Variants in ECPAS observed in about 807,000 individuals in gnomAD.
ECPAS encodes the protein Ecm29 proteasome adaptor and scaffold, also known as proteasome adapter and scaffold protein ECM29.
A neutral mutation model predicts 255.1 loss-of-function variants in ECPAS; 70 were observed. The ratio of observed to expected loss-of-function variants is 0.27; its 90% confidence interval spans 0.23 to 0.33. The LOEUF (loss-of-function observed/expected upper bound fraction) is 0.33. ECPAS is among the 10% of genes least tolerant of loss of function. ECPAS has a pLI of 1.00. For missense variants in ECPAS, 1,817 were observed against 2,206.4 expected (o/e 0.82, Z 3.54); for synonymous variants, 784 against 775.0 (o/e 1.01, Z -0.19).
At chr9:111,454,566 T>C (rs1045566634) in intron 2 of ECPAS, among the ~76,000 whole-genome samples, 4 of 152,218 alleles carry the variant, frequency 2.6e-5, no homozygotes, top group African/African-American at 4.8e-5. Flanking sequence ...TAAAGCCTTC[T>C]ACCTTTGAGG....
intron 45 of ECPAS, among the ~76,000 whole-genome samples, chr9:111,369,462 TA>T (rs1158482242): frequency 4.6e-5 from 7 of 152,202 alleles, no homozygotes; most frequent in African/African-American, 1.4e-4. Flanking sequence ...AATCAGATTT[TA>T]AAGATGGAAG....
In ECPAS at chr9:111,442,485, A is replaced by C. The variant is rs2098247223; in HGVS notation, c.271-61T>G. On this transcript the variant is annotated intron_variant, in intron 4 of 49. Coordinates refer to ENST00000684092, the MANE Select transcript of ECPAS (RefSeq NM_001364929.1). ...GAAATACTCTATGATTTCAATGAAA[A>C]TATATGATTGATAACTTAGAGAGTT... 1.0e-5 allele frequency: 10 copies of C among 993,584 alleles called. No homozygotes were observed. The South Asian group carries it at 1.4e-4, about 14-fold the overall frequency. The allele number at this position is 993,584 out of a possible 1,614,324, so 61.5% of individuals were successfully genotyped here. A position where few individuals can be genotyped will look rare whatever the true frequency, so the allele number is the denominator to read the frequency against.
At chr9:111,455,927 T>A (rs1330251811) in intron 2 of ECPAS, among the ~76,000 whole-genome samples, 1 of 152,202 alleles carries the variant, frequency 6.6e-6, no homozygotes, top group South Asian at 2.1e-4. Context: ...AGTACAAATA[T>A]ATGCTGAATC....
At chr9:111,478,181 T>C (rs544785945) in intron 1 of ECPAS, among the ~76,000 whole-genome samples, 1 of 151,058 alleles carries the variant, frequency 6.6e-6, no homozygotes, top group East Asian at 2.0e-4. Context: ...GATTACAAAC[T>C]TGAGTCACCG....
intron 35 of ECPAS, among the ~76,000 whole-genome samples, chr9:111,380,400 T>TA (rs1341213833): frequency 3.3e-5 from 5 of 152,208 alleles, no homozygotes; most frequent in Non-Finnish European, 7.4e-5. Flanking sequence ...ACAGTGGACT[T>TA]AAAATACTCA....
At position 111,425,742 on chromosome 9, in the gene ECPAS, C is replaced by T; in HGVS notation, c.1136+1G>A. ...TATAGTTAAAATAGTTAAAGACTTA[C>T]GTTATACAAATATGATGCACAAATT... On this transcript the variant is annotated splice_donor_variant, in intron 11 of 49. Transcript: ENST00000684092. LOFTEE classifies it high-confidence loss of function. The T allele has an allele frequency of 6.6e-7, 1 of 1,523,862 alleles. No individual in the cohort carries two copies. Among genetic ancestry groups the T allele is most frequent in the Non-Finnish European group, 9.1e-7 (1 of 1,103,366 alleles). 94.4% of individuals were successfully genotyped at this position (1,523,862 alleles called of 1,614,324 possible).
chr9:111,418,840 C>T (rs988966858), intron 16 of ECPAS, among the ~76,000 whole-genome samples: 6 of 152,174 alleles, frequency 3.9e-5, no homozygotes, highest in Non-Finnish European at 7.3e-5. Context: ...GGCCCCAGTA[C>T]ATCTGGCCTT....
chr9:111,436,625 A>G (rs1392787326), intron 7 of ECPAS, among the ~76,000 whole-genome samples: 5 of 152,198 alleles, frequency 3.3e-5, no homozygotes, highest in Admixed American at 2.0e-4. Context: ...TAAAAAATTA[A>G]AATTACAAAA....
intron 29 of ECPAS, 55 bp downstream of exon 29, chr9:111,391,701 A>G (rs2098160459): frequency 1.1e-5 from 12 of 1,075,822 alleles, no homozygotes; most frequent in Non-Finnish European, 1.7e-5. Flanking sequence ...CCAGACTAAT[A>G]AATGCATATA....
intron 5 of ECPAS, among the ~76,000 whole-genome samples, chr9:111,441,846 G>C (rs2098246418): frequency 6.6e-6 from 1 of 152,158 alleles, no homozygotes; most frequent in South Asian, 2.1e-4. Flanking sequence ...GACAGAGCTA[G>C]AACAAAGAAC....
chr9:111,388,680 T>C (rs72607202), intron 31 of ECPAS, among the ~76,000 whole-genome samples: 9,638 of 152,016 alleles, frequency 0.063, 443 homozygotes, highest in East Asian at 0.19. Flanking sequence ...AAAAAAAAGA[T>C]GATGATGACC....
intron 3 of ECPAS, among the ~76,000 whole-genome samples, chr9:111,445,159 C>T (rs1210302066): frequency 1.3e-5 from 2 of 151,572 alleles, no homozygotes; most frequent in Non-Finnish European, 2.9e-5. Flanking sequence ...TCACGCCTGG[C>T]TAATTTTTGT....
intron 39 of ECPAS, 143 bp from the exon 40 acceptor site, chr9:111,373,549 T>C (rs1321433047): frequency 9.0e-6 from 6 of 663,286 alleles, no homozygotes; most frequent in Non-Finnish European, 1.6e-5. Flanking sequence ...TATATTTATA[T>C]ATCCATTTGC....
intron 2 of ECPAS, among the ~76,000 whole-genome samples, chr9:111,462,026 T>C (rs1377767492): frequency 6.6e-6 from 1 of 152,184 alleles, no homozygotes; most frequent in African/African-American, 2.4e-5. Context: ...ATGGGAATTA[T>C]GGGAGCTACA....
intron 29 of ECPAS, among the ~76,000 whole-genome samples, chr9:111,391,310 G>A (rs1424254835): frequency 3.3e-5 from 5 of 152,176 alleles, no homozygotes; most frequent in African/African-American, 1.2e-4. Flanking sequence ...AGGCACAGTG[G>A]CTCACGCCTG....
intron 16 of ECPAS, 50 bp from the exon 17 acceptor site, chr9:111,418,056 A>C (rs2098207140): frequency 6.7e-7 from 1 of 1,501,262 alleles, no homozygotes; most frequent in Non-Finnish European, 8.9e-7. Flanking sequence ...ACCAATGGGA[A>C]ATGATCATTT....
chr9:111,410,130 G>A lies in ECPAS; in HGVS notation c.2461C>T (p.Pro821Ser), dbSNP rs756539734. The change falls in exon 23 of 50, where the codon CCA becomes TCA. Residue 821 changes from proline to serine, a missense_variant. This residue lies in a region of ECPAS where 194 missense variants were observed against 152.8 expected (regional missense o/e 1.27). Transcript: ENST00000684092. ...LGEIGRNGPL[P>S]IPSEGSGFTK... ...AAGCCAGATCCCTCACTGGGGATTG[G>A]AAGTGGACCATTTCTGCCAATTTCA... 8 of 1,611,134 alleles carry A rather than the reference G, an allele frequency of 5.0e-6. No individual in the cohort carries two copies. In the African/African-American group the frequency reaches 8.0e-5, roughly 16 times the overall value.
At chr9:111,390,451 C>A (rs1037735584) in intron 29 of ECPAS, among the ~76,000 whole-genome samples, 1 of 152,206 alleles carries the variant, frequency 6.6e-6, no homozygotes, top group Admixed American at 6.5e-5. Flanking sequence ...AAGACAACAT[C>A]TGTCTTCCCT....
At chr9:111,406,632 A>G (rs1053152627) in intron 24 of ECPAS, among the ~76,000 whole-genome samples, 2 of 149,862 alleles carry the variant, frequency 1.3e-5, no homozygotes, top group Non-Finnish European at 2.9e-5. Context: ...GGCGAGGCAC[A>G]GTGGCTTATG....
Sources: allele counts gnomAD v4.1 joint callset (sites outside exome capture counted in the v4.1 genomes callset), GRCh38; gene constraint gnomAD v4.1.1; regional missense constraint gnomAD v4.1.1; transcripts MANE v1.5; gene names NCBI Gene and HGNC (gene_info 2026-07-23, HGNC 2026-07-21).